Variants in OR51B5 observed in about 807,000 individuals in gnomAD.
The protein encoded by OR51B5 is olfactory receptor 51B5.
For missense variants in OR51B5, 456 were observed against 374.6 expected, an observed-to-expected ratio of 1.22 and a Z score of -1.79; for synonymous variants, 186 against 144.8, an observed-to-expected ratio of 1.28 and a Z score of -2.04.
intron 1 of OR51B5, among the ~76,000 whole-genome samples, chr11:5,372,653 T>C (rs1030836465): frequency 6.6e-6 from 1 of 152,230 alleles, no homozygotes; most frequent in Non-Finnish European, 1.5e-5. Flanking sequence ...TTATATATTT[T>C]GGGTATTAGA....
At chr11:5,477,981 G>T (rs1014385203) in intron 1 of OR51B5, among the ~76,000 whole-genome samples, 3 of 151,880 alleles carry the variant, frequency 2.0e-5, no homozygotes, top group Admixed American at 1.3e-4. Flanking sequence ...CAAAGCAGCC[G>T]GGAAGCTCCA....
chr11:5,470,090 A>G (rs1320488431), intron 1 of OR51B5, among the ~76,000 whole-genome samples: 1 of 152,186 alleles, frequency 6.6e-6, no homozygotes, highest in Non-Finnish European at 1.5e-5. Context: ...AGATTCTCAA[A>G]TTGTGCTGTA....
At chr11:5,418,371 A>C (rs186625877) in intron 1 of OR51B5, among the ~76,000 whole-genome samples, 2 of 152,164 alleles carry the variant, frequency 1.3e-5, no homozygotes, top group Admixed American at 1.3e-4. Context: ...TAACCTGCAC[A>C]TTGTGCACAT....
intron 1 of OR51B5, among the ~76,000 whole-genome samples, chr11:5,373,452 CG>C (rs1849473869): frequency 1.3e-5 from 2 of 152,088 alleles, no homozygotes; most frequent in African/African-American, 4.8e-5. Flanking sequence ...GGGTTCATCT[CG>C]CTAGGGAGTG....
intron 1 of OR51B5, among the ~76,000 whole-genome samples, chr11:5,382,506 TG>T (rs1464249076): frequency 6.6e-6 from 1 of 152,230 alleles, no homozygotes; most frequent in Non-Finnish European, 1.5e-5. Flanking sequence ...TTGCTGTTGC[TG>T]GTAATAATAG....
At chr11:5,442,309 C>A (rs1229198473) in intron 1 of OR51B5, among the ~76,000 whole-genome samples, 2 of 152,118 alleles carry the variant, frequency 1.3e-5, no homozygotes, top group Non-Finnish European at 2.9e-5. Context: ...ATTACTTAAC[C>A]ATTACCAAAA....
At chr11:5,441,016 G>A (rs757821983) in intron 1 of OR51B5, 30 of 1,614,002 alleles carry the variant, frequency 1.9e-5, no homozygotes, top group South Asian at 4.4e-5. Context: ...AAGGGCAGTC[G>A]TTTCACCACA....
intron 1 of OR51B5, chr11:5,456,659 A>T (rs1850965310): frequency 6.6e-6 from 1 of 152,178 alleles, no homozygotes; most frequent in Non-Finnish European, 1.5e-5. Context: ...GGTTTGTTAC[A>T]TGAGTAAATT....
At chr11:5,369,759 C>A (rs1385641550) in intron 1 of OR51B5, among the ~76,000 whole-genome samples, 3 of 152,068 alleles carry the variant, frequency 2.0e-5, no homozygotes, top group African/African-American at 7.2e-5. Context: ...TGGCTGGTAG[C>A]AAGGGCTATG....
At chr11:5,454,526 C>T (rs576370386) in intron 1 of OR51B5, 50 of 1,050,482 alleles carry the variant, frequency 4.8e-5, no homozygotes, top group South Asian at 2.0e-4. Flanking sequence ...TTGTGTGCTG[C>T]GGGAAAAGTA....
chr11:5,456,292 T>A (rs906293350), intron 1 of OR51B5: 9 of 152,126 alleles, frequency 5.9e-5, no homozygotes, highest in Non-Finnish European at 1.2e-4. Context: ...CACCTTCCTT[T>A]TTTCAGCATT....
chr11:5,489,265 A>G (rs1851542184), intron 1 of OR51B5: 1 of 1,613,850 alleles, frequency 6.2e-7, no homozygotes, highest in Non-Finnish European at 8.5e-7. Flanking sequence ...GCATATGGGC[A>G]TTGCCCGACT....
chr11:5,402,681 T>C, intron 1 of OR51B5: 1 of 471,336 alleles, frequency 2.1e-6, no homozygotes, highest in Non-Finnish European at 4.4e-6. Context: ...AGAGCACCTC[T>C]GGATATCCGT....
Position 5,423,467 on chromosome 11 carries a change from T to G in OR51B5, n.85-76557A>C, listed in dbSNP as rs1314813662. ...TGGATATTTTTCTCTCCTACGGGCT[T>G]GTTTAAACTTAAACTCCCAGAAGTT... On this transcript the variant is annotated intron_variant and non_coding_transcript_variant, in intron 1 of 4. Coordinates refer to the OR51B5 transcript ENST00000415970. Among the ~76,000 whole-genome samples the G allele has an allele frequency of 3.3e-5, 5 of 152,202 alleles. No homozygotes were observed. In the East Asian group the frequency reaches 7.7e-4, roughly 23 times the overall value.
intron 1 of OR51B5, among the ~76,000 whole-genome samples, chr11:5,436,027 A>G (rs1451176959): frequency 1.3e-5 from 2 of 152,194 alleles, no homozygotes; most frequent in Admixed American, 6.5e-5. Context: ...TGAATAAAAG[A>G]TGAATATACT....
chr11:5,388,661 T>A (rs1308725286), intron 1 of OR51B5, among the ~76,000 whole-genome samples: 7 of 150,394 alleles, frequency 4.7e-5, no homozygotes, highest in Non-Finnish European at 1.0e-4. Flanking sequence ...TAAGGTAGGG[T>A]CTTGAATGTC....
At chr11:5,454,671 G>C in intron 1 of OR51B5, 1 of 343,152 alleles carries the variant, frequency 2.9e-6, no homozygotes, top group African/African-American at 2.1e-5. Context: ...AAGTTTTACA[G>C]AGGAAGACTA....
At chr11:5,347,727 G>A (rs1849014320), upstream of OR51B5, among the ~76,000 whole-genome samples, 1 of 152,040 alleles carries the variant, frequency 6.6e-6, no homozygotes, top group Non-Finnish European at 1.5e-5. Flanking sequence ...TACCCACAAG[G>A]CTGAGGGCAC....
intron 1 of OR51B5, among the ~76,000 whole-genome samples, chr11:5,458,463 T>C (rs1237805873): frequency 3.3e-5 from 5 of 152,236 alleles, no homozygotes; most frequent in African/African-American, 1.2e-4. Context: ...TTGTTTTATA[T>C]GAATTTTAGA....
Sources: gnomAD v4.1 joint callset for allele counts (sites outside exome capture counted in the v4.1 genomes callset) on GRCh38, gnomAD v4.1.1 for gene constraint, MANE v1.5 for transcripts, NCBI Gene and HGNC (gene_info 2026-07-23, HGNC 2026-07-21) for gene names.